GPC5: variants seen among roughly 807,000 people sequenced by gnomAD.
GPC5 encodes the protein glypican-5.
A neutral mutation model predicts 53.9 loss-of-function variants in GPC5; 47 were observed. That is an observed-to-expected ratio of 0.87 (90% CI 0.69 to 1.11). The LOEUF is 1.11. GPC5 is among the 50% of genes most tolerant of loss of function. The probability of loss-of-function intolerance (pLI) is 0.00; values close to 1 mark genes in which losing one functional copy is unlikely to be tolerated. For synonymous variants in GPC5, 286 were observed against 263.3 expected (o/e 1.09, Z -0.84); for missense variants, 748 against 713.1 (o/e 1.05, Z -0.56).
chr13:92,297,056 T>C (rs549700647), intron 7 of GPC5, among the ~76,000 whole-genome samples: 1,545 of 152,308 alleles, frequency 0.01, 27 homozygotes, highest in Middle Eastern at 0.044. Context: ...TGCAAGCGCA[T>C]GGCGCAGGAC....
chr13:92,522,405 T>A (rs1881092890), intron 7 of GPC5, among the ~76,000 whole-genome samples: 1 of 152,138 alleles, frequency 6.6e-6, no homozygotes, highest in Non-Finnish European at 1.5e-5. Flanking sequence ...TAAGAAAATG[T>A]GGCGCATATA....
At chr13:92,466,496 G>A (rs1836081066) in intron 7 of GPC5, among the ~76,000 whole-genome samples, 1 of 151,922 alleles carries the variant, frequency 6.6e-6, no homozygotes, top group Non-Finnish European at 1.5e-5. Flanking sequence ...AGGAAAATGT[G>A]GTTAAGAGAC....
intron 6 of GPC5, among the ~76,000 whole-genome samples, chr13:91,932,787 C>A (rs571681778): frequency 6.6e-5 from 10 of 152,048 alleles, no homozygotes; most frequent in Admixed American, 5.3e-4. Context: ...CTAAACTCTC[C>A]TTTTTCCAAT....
intron 6 of GPC5, among the ~76,000 whole-genome samples, chr13:91,957,198 C>G (rs1441831573): frequency 6.6e-6 from 1 of 151,960 alleles, no homozygotes; most frequent in Non-Finnish European, 1.5e-5. Context: ...ACATTTGAAA[C>G]TTTCAACAAT....
intron 7 of GPC5, among the ~76,000 whole-genome samples, chr13:92,306,401 G>A (rs1445713456): frequency 6.6e-6 from 1 of 152,132 alleles, no homozygotes; most frequent in Non-Finnish European, 1.5e-5. Flanking sequence ...GAGGAGCACT[G>A]GGGATGCACA....
At chr13:91,496,824 C>A (rs909861817) in intron 2 of GPC5, among the ~76,000 whole-genome samples, 7 of 152,138 alleles carry the variant, frequency 4.6e-5, no homozygotes, top group African/African-American at 1.7e-4. Flanking sequence ...GGGATGGATA[C>A]CCCATTTTCC....
intron 7 of GPC5, among the ~76,000 whole-genome samples, chr13:92,460,046 G>GT (rs1483126452): frequency 6.6e-6 from 1 of 151,738 alleles, no homozygotes; most frequent in Non-Finnish European, 1.5e-5. Context: ...TCAAGGAGAA[G>GT]TATTGTTATG....
intron 2 of GPC5, among the ~76,000 whole-genome samples, chr13:91,588,752 T>C (rs950527490): frequency 1.3e-5 from 2 of 152,126 alleles, no homozygotes; most frequent in African/African-American, 4.8e-5. Context: ...TCTTGTGTTG[T>C]TTATCCCTTG....
intron 2 of GPC5, among the ~76,000 whole-genome samples, chr13:91,588,536 A>G (rs529400916): frequency 6.6e-6 from 1 of 152,214 alleles, no homozygotes. Context: ...CAGGTGATGT[A>G]TTCTCCTCAT....
chr13:92,389,842 T>TA (rs1874913445), intron 7 of GPC5, among the ~76,000 whole-genome samples: 1 of 152,194 alleles, frequency 6.6e-6, no homozygotes, highest in Admixed American at 6.5e-5. Context: ...TTATTCATCT[T>TA]ACTCAGTTTT....
chr13:91,821,621 G>C (rs1470043600), intron 5 of GPC5, among the ~76,000 whole-genome samples: 1 of 152,018 alleles, frequency 6.6e-6, no homozygotes, highest in Non-Finnish European at 1.5e-5. Flanking sequence ...TCTATTTTTA[G>C]TTTGCTAAGA....
intron 7 of GPC5, among the ~76,000 whole-genome samples, chr13:92,338,274 T>C (rs1291502830): frequency 6.6e-6 from 1 of 151,974 alleles, no homozygotes; most frequent in African/African-American, 2.4e-5. Flanking sequence ...TGGTCGAAAT[T>C]CAAAACACCA....
intron 6 of GPC5, among the ~76,000 whole-genome samples, chr13:92,046,190 C>T (rs931338919): frequency 6.6e-6 from 1 of 152,044 alleles, no homozygotes; most frequent in Non-Finnish European, 1.5e-5. Flanking sequence ...TCACAATTAC[C>T]TATCTATGAG....
At chr13:92,527,237 GAAAGAAAGAAAGAGAA>G (rs1324329849) in intron 7 of GPC5, among the ~76,000 whole-genome samples, 14 of 37,094 alleles carry the variant, frequency 3.8e-4, no homozygotes, top group African/African-American at 1.6e-3. Flanking sequence ...AAGAAAGAAA[GAAAGAAAGAAAGAGAA>G]AGAAAGAAAG....
At chr13:92,398,683 A>G (rs1875411011) in intron 7 of GPC5, among the ~76,000 whole-genome samples, 1 of 152,162 alleles carries the variant, frequency 6.6e-6, no homozygotes, top group African/African-American at 2.4e-5. Context: ...CTATAAATAC[A>G]TCCAGCTAAA....
rs373112549 is a variant in GPC5 at position 92,251,673 on chromosome 13, A to C, written c.1561+106684A>C. Reference sequence around the variant, plus strand: ...TCACAGCACAGTGCCTAGCACATACAAGACCCTGAATGACAATGTCTTTTT... The same window carrying C: ...TCACAGCACAGTGCCTAGCACATACCAGACCCTGAATGACAATGTCTTTTT... On this transcript the variant is annotated intron_variant, in intron 7 of 7. Transcript: ENST00000377067. Among the ~76,000 whole-genome samples, 9 of 152,248 alleles carry C rather than the reference A, an allele frequency of 5.9e-5. No individual in the cohort carries two copies. In the East Asian group the frequency reaches 1.2e-3, roughly 20 times the overall value.
chr13:92,230,998 A>G (rs1305942038), intron 7 of GPC5, among the ~76,000 whole-genome samples: 1 of 152,218 alleles, frequency 6.6e-6, no homozygotes, highest in Non-Finnish European at 1.5e-5. Context: ...GTCATGGAAG[A>G]GCAAAGCGCT....
At chr13:92,625,858 C>T (rs1377553517) in intron 7 of GPC5, among the ~76,000 whole-genome samples, 1 of 152,158 alleles carries the variant, frequency 6.6e-6, no homozygotes, top group East Asian at 1.9e-4. Context: ...AAGGTGATGT[C>T]ACCAAGTATG....
intron 6 of GPC5, among the ~76,000 whole-genome samples, chr13:91,975,513 T>A (rs1178345596): frequency 3.3e-5 from 5 of 152,062 alleles, no homozygotes; most frequent in African/African-American, 1.2e-4. Flanking sequence ...AAAACACACA[T>A]GAAAAAATGC....
Sources: gnomAD v4.1 joint callset for allele counts (sites outside exome capture counted in the v4.1 genomes callset) on GRCh38, gnomAD v4.1.1 for gene constraint, MANE v1.5 for transcripts, NCBI Gene and HGNC (gene_info 2026-07-23, HGNC 2026-07-21) for gene names.